The following MYO5B variants were observed in gnomAD, a reference collection of about 807,000 sequenced individuals.
MYO5B encodes the protein unconventional myosin-Vb.
MYO5B carries 143 observed loss-of-function variants against 229.3 expected under a neutral mutation model. The ratio of observed to expected loss-of-function variants is 0.62; its 90% CI spans 0.54 to 0.72. The LOEUF is 0.72. Ranked by LOEUF, MYO5B falls within the 30% of genes least tolerant of loss-of-function variation. The probability of loss-of-function intolerance (pLI) is 0.00; values close to 1 mark genes in which losing one functional copy is unlikely to be tolerated. For missense variants in MYO5B, 2,321 were observed against 2,331.0 expected, an observed-to-expected ratio of 1.00 and a Z score of 0.09; for synonymous variants, 918 against 885.2, an observed-to-expected ratio of 1.04 and a Z score of -0.66.
At chr18:50,034,353 C>T (rs1044821319) in intron 4 of MYO5B, among the ~76,000 whole-genome samples, 11 of 152,228 alleles carry the variant, frequency 7.2e-5, no homozygotes, top group African/African-American at 2.7e-4. Context: ...CAATGGGTCA[C>T]CCTTCTTTCT....
At chr18:50,184,905 T>C (rs4939620) in intron 1 of MYO5B, among the ~76,000 whole-genome samples, 1 of 21,168 alleles carries the variant, frequency 4.7e-5, no homozygotes, top group Non-Finnish European at 1.3e-4. Flanking sequence ...GAAAAAAATA[T>C]ATATATATAT....
intron 14 of MYO5B, among the ~76,000 whole-genome samples, chr18:49,952,784 T>C (rs2025443566): frequency 1.3e-5 from 2 of 152,092 alleles, no homozygotes; most frequent in Admixed American, 6.6e-5. Context: ...TCTATTCCAT[T>C]AAGTTTCTGC....
intron 1 of MYO5B, among the ~76,000 whole-genome samples, chr18:50,183,306 CAT>C (rs71169486): frequency 0.016 from 1,721 of 109,954 alleles, 81 homozygotes; most frequent in African/African-American, 0.059. Flanking sequence ...TCAATTTTAT[CAT>C]ATATATATAT....
chr18:50,017,669 A>G (rs1292629847), intron 4 of MYO5B, among the ~76,000 whole-genome samples: 4 of 152,212 alleles, frequency 2.6e-5, no homozygotes. Context: ...TTTTATAGGT[A>G]TAATAGTAGC....
chr18:50,124,486 A>C (rs1168469137), intron 1 of MYO5B, among the ~76,000 whole-genome samples: 1 of 151,964 alleles, frequency 6.6e-6, no homozygotes, highest in East Asian at 1.9e-4. Flanking sequence ...GATTAGGGAA[A>C]GTGTGATTGT....
chr18:50,071,712 C>T (rs545482873), intron 1 of MYO5B, among the ~76,000 whole-genome samples: 2 of 152,356 alleles, frequency 1.3e-5, no homozygotes, highest in South Asian at 4.1e-4. Context: ...TCTGTCACTA[C>T]TCCTGGTTCT....
intron 1 of MYO5B, among the ~76,000 whole-genome samples, chr18:50,137,263 A>G (rs1234058242): frequency 1.3e-5 from 2 of 152,168 alleles, no homozygotes; most frequent in Non-Finnish European, 2.9e-5. Context: ...GAAAATCTAT[A>G]CTCCACTTAC....
At chr18:50,155,765 G>C (rs2032668758) in intron 1 of MYO5B, among the ~76,000 whole-genome samples, 1 of 152,166 alleles carries the variant, frequency 6.6e-6, no homozygotes, top group Admixed American at 6.5e-5. Context: ...CGGTTAGTGA[G>C]AACTAGGAAT....
rs954903 is a variant in MYO5B at position 50,141,712 on chromosome 18, A to G, written c.27+53055T>C. Among the ~76,000 whole-genome samples, 1,484 of 152,212 alleles carry G rather than the reference A, an allele frequency of 9.7e-3. 17 individuals are homozygous for G. Among genetic ancestry groups the G allele is most frequent in the African/African-American group, 0.034 (1,397 of 41,524 alleles). On this transcript the variant is annotated intron_variant, in intron 1 of 39. Coordinates refer to ENST00000285039, the MANE Select transcript of MYO5B (RefSeq NM_001080467.3). ...ATTTTGAGCCCATAACAAAGGCAAGACCCCTTTGTGGGCAAGGTTAAATTA... is the reference window on the plus strand; with the variant it reads ...ATTTTGAGCCCATAACAAAGGCAAGGCCCCTTTGTGGGCAAGGTTAAATTA...
chr18:50,165,078 A>G (rs754626119), intron 1 of MYO5B, among the ~76,000 whole-genome samples: 1 of 152,248 alleles, frequency 6.6e-6, no homozygotes, highest in Non-Finnish European at 1.5e-5. Flanking sequence ...GAAAATCAAC[A>G]GAGAATCAAG....
At chr18:49,933,803 T>A (rs905266847) in intron 16 of MYO5B, among the ~76,000 whole-genome samples, 4 of 152,206 alleles carry the variant, frequency 2.6e-5, no homozygotes, top group African/African-American at 9.7e-5. Flanking sequence ...TAGGATGATG[T>A]AACTAATAAC....
At chr18:49,880,339 C>T in intron 23 of MYO5B, 32 bp downstream of exon 23, 5 of 1,584,834 alleles carry the variant, frequency 3.2e-6, no homozygotes, top group Non-Finnish European at 3.5e-6. Flanking sequence ...AGATTAAAAC[C>T]CCAAATAAAA....
rs965419129 is a variant in MYO5B, at chr18:49,974,548, C to T, written c.1124G>A (p.Trp375Ter). The T allele has an allele frequency of 3.7e-6, 6 of 1,614,124 alleles. No individual in the cohort carries two copies. Among genetic ancestry groups the T allele is most frequent in the Non-Finnish European group, 5.1e-6 (6 of 1,180,012 alleles). The change falls in exon 10 of 40, where the codon TGG (tryptophan) becomes TAG (stop). Residue 375 changes from tryptophan (W) to a stop codon, truncating the protein, a stop_gained. Coordinates refer to ENST00000285039, the MANE Select transcript of MYO5B (RefSeq NM_001080467.3). LOFTEE classifies it high-confidence loss of function. Reference sequence around the variant, plus strand: ...GGTGACCAGCTTGCGATGACACAGCCAGTGCTCCATCTGACTGTGCTCCAC... The same window carrying T: ...GGTGACCAGCTTGCGATGACACAGCTAGTGCTCCATCTGACTGTGCTCCAC... ...LGVEHSQMEH[W>*]LCHRKLVTTS...
At chr18:49,880,505 G>A in intron 22 of MYO5B, 50 bp from the exon 23 acceptor site, 9 of 1,424,842 alleles carry the variant, frequency 6.3e-6, no homozygotes, top group Non-Finnish European at 8.9e-6. Flanking sequence ...GGGAAGAGGA[G>A]AGGCTCCTCT....
intron 17 of MYO5B, among the ~76,000 whole-genome samples, chr18:49,919,101 A>T: frequency 6.6e-6 from 1 of 152,232 alleles, no homozygotes; most frequent in East Asian, 1.9e-4. Context: ...TCAATGGTCA[A>T]TGTGATCCTT....
At chr18:49,940,980 T>A (rs1159727244) in intron 14 of MYO5B, among the ~76,000 whole-genome samples, 1 of 152,248 alleles carries the variant, frequency 6.6e-6, no homozygotes, top group Non-Finnish European at 1.5e-5. Flanking sequence ...AGTTCATACA[T>A]CTTAGTAGCT....
chr18:50,104,262 C>T (rs1599023116), intron 1 of MYO5B, among the ~76,000 whole-genome samples: 1 of 84,006 alleles, frequency 1.2e-5, no homozygotes, highest in African/African-American at 5.0e-5. Flanking sequence ...GGGATCTATA[C>T]ATGATATATA....
chr18:50,034,357 T>G (rs1435324836), intron 4 of MYO5B, among the ~76,000 whole-genome samples: 1 of 152,230 alleles, frequency 6.6e-6, no homozygotes, highest in East Asian at 1.9e-4. Context: ...GGGTCACCCT[T>G]CTTTCTTGGC....
In MYO5B at chr18:49,826,560, C is replaced by G. The variant is rs2023848957; in HGVS notation, c.5458G>C (p.Val1820Leu). ...GAAGATGGATTAAATGGAAACAAAA[C>G]AGGAAACATGTGCTTGGCATCTAAT... ...LLLDAKHMFP[V>L]LFPFNPSSLT... Residue 1820 changes from valine (V) to leucine (L), a missense_variant, in exon 40 of 40, where the codon GTT becomes CTT. Around this residue, in one of 2 missense-constraint regions of MYO5B, gnomAD observed 208 missense variants for 286.3 expected, o/e 0.73. Coordinates refer to ENST00000285039, the MANE Select transcript of MYO5B (RefSeq NM_001080467.3). 1 of 1,613,904 alleles carries G rather than the reference C, an allele frequency of 6.2e-7. No individual in the cohort carries two copies. The highest frequency in any genetic ancestry group is 8.5e-7 in the Non-Finnish European group (1 of 1,179,948).
Sources: allele counts gnomAD v4.1 joint callset (sites outside exome capture counted in the v4.1 genomes callset), GRCh38; gene constraint gnomAD v4.1.1; regional missense constraint gnomAD v4.1.1; transcripts MANE v1.5; gene names NCBI Gene and HGNC (gene_info 2026-07-23, HGNC 2026-07-21).